The following RGS9 variants were observed in gnomAD, a reference collection of about 807,000 sequenced individuals.
The protein encoded by RGS9 is regulator of G-protein signalling 9.
Under a neutral mutation model 102.0 loss-of-function variants are expected in RGS9, and 78 were observed. The observed-to-expected ratio is 0.76, with a 90% CI of 0.64 to 0.92. The LOEUF is 0.92. RGS9 is among the 40% of genes least tolerant of loss of function. The pLI is 0.00. For missense variants in RGS9, 833 were observed against 866.1 expected (o/e 0.96, Z 0.48); for synonymous variants, 353 against 318.6 (o/e 1.11, Z -1.15).
At chr17:65,210,004 G>C (rs1033613323) in intron 16 of RGS9, among the ~76,000 whole-genome samples, 3 of 152,200 alleles carry the variant, frequency 2.0e-5, no homozygotes, top group Non-Finnish European at 2.9e-5. Context: ...CTTGAACCTG[G>C]GAGATGGAGG....
intron 9 of RGS9, among the ~76,000 whole-genome samples, chr17:65,183,709 C>T (rs535904545): frequency 9.2e-5 from 14 of 152,308 alleles, no homozygotes; most frequent in African/African-American, 3.4e-4. Flanking sequence ...CACGGTTCTC[C>T]CCATCTCGCC....
Position 65,160,309 on chromosome 17 carries a change from C to T in RGS9, c.282C>T (p.Leu94=). 6.2e-7 allele frequency: 1 copy of T among 1,614,122 alleles called. No homozygotes were observed. The highest frequency in any genetic ancestry group is 8.5e-7 in the Non-Finnish European group (1 of 1,179,938). Residue 94 remains leucine, a synonymous_variant, in exon 4 of 19, where the codon CTC becomes CTT. Coordinates refer to ENST00000262406, the MANE Select transcript of RGS9 (RefSeq NM_003835.4). ...YPLQDPKNLI[L]KPDGSLYRFQ... is the part of the protein sequence containing the mutation. ...TGCAAGACCCCAAGAATCTCATTCT[C>T]AAGCCTGATGGCAGCCTCTACAGAT...
rs1469359254 is a variant in RGS9, at chr17:65,193,523, A to G, written c.747-20A>G. 1 of 1,521,940 alleles carries G rather than the reference A, an allele frequency of 6.6e-7. No individual in the cohort carries two copies. The highest frequency in any genetic ancestry group is 1.4e-5 in the African/African-American group (1 of 73,064). 94.3% of individuals were successfully genotyped at this position (1,521,940 alleles called of 1,614,324 possible). The stretch of plus-strand genomic sequence containing the variant: ...TTGGGTGTCGAGCTTCTAGGAAATC[A>G]TTTTCTGTTTCCTTTTCAGGATTGT... On this transcript the variant is annotated intron_variant, in intron 11 of 18. Transcript: ENST00000262406.
rs772497471 is a variant in RGS9, at chr17:65,225,195, C to T, written c.1601C>T (p.Ser534Leu). The T allele has an allele frequency of 2.2e-5, 35 of 1,613,198 alleles. No individual in the cohort carries two copies. The highest frequency in any genetic ancestry group is 1.6e-4 in the Middle Eastern group (1 of 6,084). Reference protein sequence around the residue: ...SPIRVALESSSGLEQKGECSG... With the variant: ...SPIRVALESSLGLEQKGECSG... The stretch of plus-strand genomic sequence containing the variant: ...ATCAGAGTGGCCTTGGAGAGCTCAT[C>T]GGGCTTGGAGCAGAAAGGGGAGTGC... Residue 534 changes from serine (S) to leucine (L), a missense_variant, in exon 18 of 19, where the codon TCG becomes TTG. Around this residue, in one of 3 missense-constraint regions of RGS9, gnomAD observed 320 missense variants for 276.8 expected, o/e 1.16. Coordinates refer to ENST00000262406, the MANE Select transcript of RGS9 (RefSeq NM_003835.4).
intron 1 of RGS9, among the ~76,000 whole-genome samples, chr17:65,142,732 G>A (rs1273483867): frequency 6.6e-6 from 1 of 151,894 alleles, no homozygotes; most frequent in Non-Finnish European, 1.5e-5. Flanking sequence ...ACTGGGACCT[G>A]CTACCATGCC....
intron 17 of RGS9, among the ~76,000 whole-genome samples, chr17:65,212,434 G>C (rs1913340564): frequency 6.6e-6 from 1 of 152,210 alleles, no homozygotes. Flanking sequence ...AGAGAAGCAG[G>C]GAATGAGAAA....
Position 65,210,521 on chromosome 17 carries a change from C to T in RGS9, c.1323C>T (p.Arg441=). ...TCCCTTTTATGCGGCGTCACCTGCG[C>T]TCCAGCCCAAGCCCTGTCATCCTGA... The part of the protein sequence containing the change: ...STLPFMRRHL[R]SSPSPVILRQ... The change falls in exon 17 of 19, where the codon CGC becomes CGT. Residue 441 remains arginine, a synonymous_variant. Coordinates refer to ENST00000262406, the MANE Select transcript of RGS9 (RefSeq NM_003835.4). The T allele has an allele frequency of 6.2e-7, 1 of 1,613,914 alleles. No individual in the cohort carries two copies. Among genetic ancestry groups the T allele is most frequent in the Non-Finnish European group, 8.5e-7 (1 of 1,180,022 alleles).
chr17:65,195,301 A>G (rs905767973), intron 12 of RGS9, among the ~76,000 whole-genome samples: 1 of 152,166 alleles, frequency 6.6e-6, no homozygotes, highest in Non-Finnish European at 1.5e-5. Context: ...GGTATTGAAG[A>G]CAGGTAGAGA....
intron 12 of RGS9, among the ~76,000 whole-genome samples, chr17:65,195,395 T>A (rs965835040): frequency 6.6e-6 from 1 of 152,186 alleles, no homozygotes; most frequent in African/African-American, 2.4e-5. Flanking sequence ...GAACTCCCCA[T>A]TAAAGTGGGA....
At chr17:65,200,451 A>T (rs1422890707) in intron 13 of RGS9, among the ~76,000 whole-genome samples, 1 of 152,216 alleles carries the variant, frequency 6.6e-6, no homozygotes, top group African/African-American at 2.4e-5. Flanking sequence ...ATCACGAATA[A>T]TTGCTTATTT....
Position 65,227,625 on chromosome 17 carries a change from C to CAG in RGS9, c.*220_*221dup, listed in dbSNP as rs1329539261. The stretch of plus-strand genomic sequence containing the variant: ...TCTTCCTGACCCTCCCTCCCCTGGG[C>CAG]AGAAGAAACGCATGTGGACCAGAAG... On this transcript the variant is annotated 3_prime_UTR_variant, in exon 19 of 19. Coordinates refer to ENST00000262406, the MANE Select transcript of RGS9 (RefSeq NM_003835.4). The CAG allele has an allele frequency of 1.3e-5, 8 of 610,188 alleles. No homozygotes were observed. In the South Asian group the frequency reaches 1.5e-4, roughly 12 times the overall value. The allele number at this position is 610,188 out of a possible 1,614,324, so 37.8% of individuals were successfully genotyped here. A position where few individuals can be genotyped will look rare whatever the true frequency, so the allele number is the denominator to read the frequency against.
At chr17:65,165,152 A>T (rs1365053577) in intron 7 of RGS9, among the ~76,000 whole-genome samples, 3 of 152,014 alleles carry the variant, frequency 2.0e-5, no homozygotes, top group Non-Finnish European at 4.4e-5. Flanking sequence ...GGACTATCCC[A>T]GCAACCCACA....
intron 14 of RGS9, among the ~76,000 whole-genome samples, chr17:65,202,297 T>G (rs1912880148): frequency 6.6e-6 from 1 of 152,060 alleles, no homozygotes; most frequent in African/African-American, 2.4e-5. Flanking sequence ...ACATGCAGTG[T>G]GAGTCACCTG....
At chr17:65,139,628 C>A (rs945260355) in intron 1 of RGS9, among the ~76,000 whole-genome samples, 3 of 152,204 alleles carry the variant, frequency 2.0e-5, no homozygotes, top group African/African-American at 7.2e-5. Context: ...CCAAGCTCCA[C>A]TTCTCTTCCC....
chr17:65,148,884 T>C (rs1291630557), intron 1 of RGS9, among the ~76,000 whole-genome samples: 2 of 152,226 alleles, frequency 1.3e-5, no homozygotes, highest in African/African-American at 2.4e-5. Flanking sequence ...GTGCACAGAA[T>C]GATATGAAAT....
intron 6 of RGS9, among the ~76,000 whole-genome samples, chr17:65,161,726 A>ATTTAT (rs1910993638): frequency 1.4e-5 from 2 of 147,252 alleles, no homozygotes; most frequent in Admixed American, 1.3e-4. Flanking sequence ...TTATTTATTT[A>ATTTAT]TTTATTTATT....
intron 9 of RGS9, among the ~76,000 whole-genome samples, chr17:65,186,812 G>A (rs78892217): frequency 0.011 from 1,674 of 152,286 alleles, 27 homozygotes; most frequent in African/African-American, 0.039. Context: ...AAGACTCAAA[G>A]AAGTATAAAT....
At chr17:65,184,743 T>C (rs1437738502) in intron 9 of RGS9, among the ~76,000 whole-genome samples, 2 of 151,844 alleles carry the variant, frequency 1.3e-5, no homozygotes, top group Non-Finnish European at 2.9e-5. Context: ...TTCTTTTTTC[T>C]TTTCCTTTCC....
rs144859295 is a variant in RGS9, at chr17:65,169,174, C to T, written c.582+893C>T. Among the ~76,000 whole-genome samples the T allele has an allele frequency of 5.3e-5, 8 of 152,230 alleles. No homozygotes were observed. In the East Asian group the frequency reaches 1.5e-3, roughly 29 times the overall value. ...GTTTATGGATTTTTGAGTTTCAAGC[C>T]CATCCGATTTTGGCTGTTTTGCTTA... On this transcript the variant is annotated intron_variant, in intron 8 of 18. Transcript: ENST00000262406.
Sources: gnomAD v4.1 joint callset for allele counts (sites outside exome capture counted in the v4.1 genomes callset) on GRCh38, gnomAD v4.1.1 for gene constraint, gnomAD v4.1.1 regional missense constraint, MANE v1.5 for transcripts, NCBI Gene and HGNC (gene_info 2026-07-23, HGNC 2026-07-21) for gene names.